ZFYVE1: variants seen among roughly 807,000 people sequenced by gnomAD.
The protein encoded by ZFYVE1 is zinc finger FYVE domain-containing protein 1.
Under a neutral mutation model 74.4 loss-of-function variants are expected in ZFYVE1, and 30 were observed. The ratio of observed to expected loss-of-function variants is 0.40; its 90% confidence interval spans 0.30 to 0.55. The LOEUF is 0.55. ZFYVE1 is among the 20% of genes least tolerant of loss of function. The pLI, the probability that ZFYVE1 is intolerant of heterozygous loss-of-function variation, is 0.42. For synonymous variants in ZFYVE1, 335 were observed against 385.1 expected (o/e 0.87, Z 1.52); for missense variants, 703 against 1,011.6 (o/e 0.69, Z 4.14).
intron 2 of ZFYVE1, among the ~76,000 whole-genome samples, chr14:73,000,028 C>A (rs1893836521): frequency 6.6e-6 from 1 of 152,124 alleles, no homozygotes; most frequent in African/African-American, 2.4e-5. Flanking sequence ...CACTGCACTC[C>A]AGTCTGGGTG....
intron 8 of ZFYVE1, 144 bp downstream of exon 8, chr14:72,977,783 G>C (rs1277680905): frequency 2.6e-6 from 2 of 770,078 alleles, no homozygotes; most frequent in Non-Finnish European, 4.1e-6. Context: ...GAACAAAAAA[G>C]CTCTCCAGAT....
chr14:73,010,537 A>G (rs545977197), intron 2 of ZFYVE1, among the ~76,000 whole-genome samples: 106 of 151,960 alleles, frequency 7.0e-4, no homozygotes, highest in African/African-American at 2.5e-3. Context: ...GAGGCAAAGG[A>G]TGCAGTGAGC....
At chr14:73,001,949 A>G (rs1893881845) in intron 2 of ZFYVE1, among the ~76,000 whole-genome samples, 1 of 151,268 alleles carries the variant, frequency 6.6e-6, no homozygotes, top group Admixed American at 6.6e-5. Flanking sequence ...TTCAGTCTCG[A>G]AAAAAAAAGA....
At position 72,982,652 on chromosome 14, in the gene ZFYVE1, C is replaced by T. The variant is rs1893364880; in HGVS notation, c.1204-757G>A. ...TTTCCACACTTTAGAAATCACTAAG[C>T]ACATGCTGCTCCAAGCTTCTAACTT... On this transcript the variant is annotated intron_variant, in intron 4 of 11. Transcript: ENST00000556143. Among the ~76,000 whole-genome samples the T allele has an allele frequency of 2.0e-5, 3 of 152,302 alleles. No homozygotes were observed. The South Asian group carries it at 6.2e-4, about 32-fold the overall frequency.
chr14:73,016,101 T>G (rs761858576), intron 2 of ZFYVE1, among the ~76,000 whole-genome samples: 5 of 152,198 alleles, frequency 3.3e-5, no homozygotes, highest in Non-Finnish European at 5.9e-5. Flanking sequence ...CTAAGAACTC[T>G]AACTACCAGA....
At position 73,024,475 on chromosome 14, in the gene ZFYVE1, G is replaced by A. The variant is rs954438040; in HGVS notation, c.34C>T (p.Leu12=). 5.6e-6 allele frequency: 9 copies of A among 1,611,810 alleles called. No homozygotes were observed. The African/African-American group carries it at 8.0e-5, about 14-fold the overall frequency. Residue 12 remains leucine, a synonymous_variant, in exon 2 of 12, where the codon CTG becomes TTG. Transcript: ENST00000556143. ...TCCTGGCACATCAGCCCCGGATTCA[G>A]GCCCTTCTCTGCTGGGGAAGTCTGG... The part of the protein sequence containing the change: ...SAQTSPAEKG[L]NPGLMCQESY...
At chr14:72,986,360 G>C (rs996950239) in intron 4 of ZFYVE1, among the ~76,000 whole-genome samples, 1 of 151,952 alleles carries the variant, frequency 6.6e-6, no homozygotes, top group African/African-American at 2.4e-5. Flanking sequence ...TGCATATGAG[G>C]TAAGAACAAG....
At chr14:73,002,741 CTTT>C (rs532732428) in intron 2 of ZFYVE1, among the ~76,000 whole-genome samples, 2 of 127,496 alleles carry the variant, frequency 1.6e-5, no homozygotes, top group Non-Finnish European at 3.3e-5. Flanking sequence ...GTTGCTTTTT[CTTT>C]TTTTTTTTTT....
chr14:72,971,027 A>G lies in ZFYVE1; in HGVS notation c.2189T>C (p.Ile730Thr). 1 of 1,614,220 alleles carries G rather than the reference A, an allele frequency of 6.2e-7. No individual in the cohort carries two copies. The highest frequency in any genetic ancestry group is 8.5e-7 in the Non-Finnish European group (1 of 1,180,042). The part of the protein sequence containing the change: ...HCHNCRKEFS[I>T]KLSKHHCRAC... ...CCGGCAGTGGTGCTTGGAGAGCTTG[A>G]TGCTGAACTCCTTCCGGCAGTTGTG... Residue 730 changes from isoleucine (I) to threonine (T), a missense_variant, in exon 12 of 12, where the codon ATC (isoleucine) becomes ACC (threonine). Ile to Thr is a moderately conservative substitution (Grantham distance 89). This residue lies in a region of ZFYVE1 where 492 missense variants were observed against 790.0 expected (regional missense o/e 0.62). Transcript: ENST00000556143.
intron 4 of ZFYVE1, among the ~76,000 whole-genome samples, chr14:72,984,825 T>C (rs1324715371): frequency 1.3e-5 from 2 of 152,226 alleles, no homozygotes; most frequent in African/African-American, 4.8e-5. Flanking sequence ...TGCAAAGCTA[T>C]GGGTTTGCTG....
chr14:73,005,278 G>A (rs763371096), intron 2 of ZFYVE1, among the ~76,000 whole-genome samples: 22 of 152,098 alleles, frequency 1.4e-4, no homozygotes, highest in Non-Finnish European at 2.5e-4. Flanking sequence ...CCTTTGATGA[G>A]GGAAGGAAGG....
intron 4 of ZFYVE1, among the ~76,000 whole-genome samples, chr14:72,987,983 C>T (rs1434079853): frequency 6.6e-6 from 1 of 152,170 alleles, no homozygotes; most frequent in African/African-American, 2.4e-5. Flanking sequence ...CTCTCTCTGT[C>T]TCTCTCTCAC....
In ZFYVE1 at chr14:73,024,582, T is replaced by C; in HGVS notation, c.-74A>G. ...TGCCCCGGGGGTGAAGACGAAGATT[T>C]GAGTCTGAAGACTGCACGAAACTTC... is the stretch of plus-strand genomic sequence containing the variant. On this transcript the variant is annotated 5_prime_UTR_variant, in exon 2 of 12. Transcript: ENST00000556143. 6.6e-7 allele frequency: 1 copy of C among 1,514,986 alleles called. No homozygotes were observed. The highest frequency in any genetic ancestry group is 8.8e-7 in the Non-Finnish European group (1 of 1,132,708). 93.8% of individuals were successfully genotyped at this position (1,514,986 alleles called of 1,614,324 possible). A position where few individuals can be genotyped will look rare whatever the true frequency, so the allele number is the denominator to read the frequency against.
rs1172458138 is a variant in ZFYVE1, at chr14:72,997,786, T to C, written c.988+25A>G. ...CTCCTTGTACCCATAAAGGTTGAGCTGTGACACTGTACCCCATCTCTCACC... is the reference window on the plus strand; with the variant it reads ...CTCCTTGTACCCATAAAGGTTGAGCCGTGACACTGTACCCCATCTCTCACC... On this transcript the variant is annotated intron_variant, in intron 3 of 11. Coordinates refer to ENST00000556143, the MANE Select transcript of ZFYVE1 (RefSeq NM_021260.4). The C allele has an allele frequency of 1.9e-6, 3 of 1,555,740 alleles. No individual in the cohort carries two copies. In the African/African-American group the frequency reaches 4.1e-5, roughly 21 times the overall value.
At chr14:72,999,871 C>A (rs1343014792) in intron 2 of ZFYVE1, among the ~76,000 whole-genome samples, 1 of 151,896 alleles carries the variant, frequency 6.6e-6, no homozygotes, top group Non-Finnish European at 1.5e-5. Flanking sequence ...ACCAGCCTGG[C>A]CAACATGGTG....
intron 4 of ZFYVE1, among the ~76,000 whole-genome samples, chr14:72,992,619 C>CG (rs1893642226): frequency 9.1e-6 from 1 of 110,130 alleles, no homozygotes; most frequent in Non-Finnish European, 2.0e-5. Context: ...TCAGGTGCCC[C>CG]CCCCGCCCCT....
chr14:72,992,629 T>C (rs55895661), intron 4 of ZFYVE1, among the ~76,000 whole-genome samples: 1,978 of 50,376 alleles, frequency 0.039, 124 homozygotes, highest in African/African-American at 0.13. Context: ...CCCCCGCCCC[T>C]TGCAAGAGAG....
chr14:72,975,192 G>A lies in ZFYVE1; in HGVS notation c.1807-233C>T, dbSNP rs1893136310. ...TGAAGCTGGGTGCTCTCTTGCTCTG[G>A]GTGCTGTAGCGTTAATGGATCAAGC... On this transcript the variant is annotated intron_variant, in intron 9 of 11. Coordinates refer to ENST00000556143, the MANE Select transcript of ZFYVE1 (RefSeq NM_021260.4). The surrounding 1 kb of genome is among the most constrained non-coding windows in gnomAD (Gnocchi z 4.1). 1 of 536,916 alleles carries A rather than the reference G, an allele frequency of 1.9e-6. No individual in the cohort carries two copies. Among genetic ancestry groups the A allele is most frequent in the Non-Finnish European group, 3.2e-6 (1 of 309,894 alleles). The allele number at this position is 536,916 out of a possible 1,614,324, so 33.3% of individuals were successfully genotyped here.
chr14:73,007,575 A>C (rs947920015), intron 2 of ZFYVE1, among the ~76,000 whole-genome samples: 3 of 151,960 alleles, frequency 2.0e-5, no homozygotes, highest in Non-Finnish European at 4.4e-5. Context: ...GGGTCTCTCT[A>C]TGTTGCCCAG....
Sources: allele counts gnomAD v4.1 joint callset (sites outside exome capture counted in the v4.1 genomes callset), GRCh38; gene constraint gnomAD v4.1.1; regional missense constraint gnomAD v4.1.1; non-coding constraint Gnocchi (gnomAD v3.1); transcripts MANE v1.5; gene names NCBI Gene and HGNC (gene_info 2026-07-23, HGNC 2026-07-21).